The following KLF12 variants were observed in gnomAD, a reference collection of about 807,000 sequenced individuals.
KLF12 encodes Krueppel-like factor 12.
In KLF12, 9 loss-of-function variants were observed where a neutral mutation model predicts 37.8. That is an observed-to-expected ratio of 0.24 (90% CI 0.14 to 0.42). KLF12 has a LOEUF of 0.42. Ranked by LOEUF, KLF12 falls within the 10% of genes least tolerant of loss-of-function variation. KLF12 has a pLI of 1.00. For synonymous variants in KLF12, 208 were observed against 202.1 expected (o/e 1.03, Z -0.25); for missense variants, 411 against 516.0 (o/e 0.80, Z 1.97).
intron 3 of KLF12, among the ~76,000 whole-genome samples, chr13:73,876,120 A>G (rs1034646885): frequency 1.3e-5 from 2 of 151,652 alleles, no homozygotes; most frequent in African/African-American, 4.8e-5. Context: ...GGAATCCAGC[A>G]CATTTTAGCT....
At chr13:73,879,389 T>C (rs1293781600) in intron 3 of KLF12, among the ~76,000 whole-genome samples, 1 of 152,100 alleles carries the variant, frequency 6.6e-6, no homozygotes, top group Non-Finnish European at 1.5e-5. Flanking sequence ...CCCAACGTTA[T>C]GAATGTGACA....
At chr13:74,055,752 C>A (rs944015247) in intron 1 of KLF12, among the ~76,000 whole-genome samples, 3 of 152,138 alleles carry the variant, frequency 2.0e-5, no homozygotes, top group Non-Finnish European at 2.9e-5. Context: ...CAACCAACAA[C>A]AATTTACCCT....
chr13:73,821,211 C>T (rs1385249745), intron 4 of KLF12, among the ~76,000 whole-genome samples: 1 of 143,372 alleles, frequency 7.0e-6, no homozygotes, highest in African/African-American at 2.4e-5. Context: ...GCTACCTATT[C>T]TTTTCTGTCT....
At chr13:73,940,494 C>T (rs1455015037) in intron 3 of KLF12, among the ~76,000 whole-genome samples, 3 of 152,224 alleles carry the variant, frequency 2.0e-5, no homozygotes, top group Non-Finnish European at 2.9e-5. Flanking sequence ...CACATGGCTA[C>T]GAGATGAGGA....
chr13:74,121,053 C>A (rs928843574), intron 1 of KLF12, among the ~76,000 whole-genome samples: 2 of 151,920 alleles, frequency 1.3e-5, no homozygotes, highest in Non-Finnish European at 2.9e-5. Flanking sequence ...CAAAACACTC[C>A]AAATAAAAGT....
chr13:73,769,971 C>A (rs532913671), intron 5 of KLF12, among the ~76,000 whole-genome samples: 8 of 152,172 alleles, frequency 5.3e-5, no homozygotes, highest in Non-Finnish European at 1.0e-4. Context: ...TGTACAAATA[C>A]GTTCTTTTTC....
rs1016848776 is a variant in KLF12, at chr13:73,780,551, C to T, written c.807-15551G>A. ...CTGGAGTGCAATGGTGCGATCTTGG[C>T]TCACCGCAACCTCCGCCGCCCAAGT... On this transcript the variant is annotated intron_variant, in intron 5 of 7. Transcript: ENST00000377669. Among the ~76,000 whole-genome samples the T allele has an allele frequency of 6.6e-5, 10 of 151,730 alleles. No homozygotes were observed. The East Asian group carries it at 1.9e-3, about 29-fold the overall frequency.
the KLF12 span, among the ~76,000 whole-genome samples, chr13:74,215,978 A>G: frequency 1.3e-5 from 2 of 152,208 alleles, no homozygotes; most frequent in Non-Finnish European, 2.9e-5. Context: ...TCCAGAATGT[A>G]GAGAGAATAT....
At chr13:74,243,566 C>T in the KLF12 span, among the ~76,000 whole-genome samples, 1 of 152,150 alleles carries the variant, frequency 6.6e-6, no homozygotes, top group Non-Finnish European at 1.5e-5. Flanking sequence ...TTTACACTCT[C>T]CCCAACAGTG....
chr13:73,993,737 C>G (rs547202478), intron 2 of KLF12, among the ~76,000 whole-genome samples: 1 of 152,306 alleles, frequency 6.6e-6, no homozygotes, highest in Admixed American at 6.5e-5. Flanking sequence ...TCATCCCCTG[C>G]TCATGAGAGC....
chr13:74,074,658 G>A (rs1048467171), intron 1 of KLF12, among the ~76,000 whole-genome samples: 1 of 152,034 alleles, frequency 6.6e-6, no homozygotes, highest in Admixed American at 6.6e-5. Context: ...TAGGTTTGGG[G>A]GTACATGTGA....
the KLF12 span, among the ~76,000 whole-genome samples, chr13:74,268,973 G>A: frequency 6.6e-6 from 1 of 152,174 alleles, no homozygotes; most frequent in Non-Finnish European, 1.5e-5. Context: ...TCACAGTGGA[G>A]GCAGAAAGGA....
At chr13:73,991,243 C>T (rs1891963649) in intron 2 of KLF12, among the ~76,000 whole-genome samples, 2 of 152,040 alleles carry the variant, frequency 1.3e-5, no homozygotes, top group African/African-American at 2.4e-5. Context: ...ACTTTTAGTA[C>T]GATTATATAT....
chr13:74,157,970 G>A, the KLF12 span, among the ~76,000 whole-genome samples: 1 of 152,176 alleles, frequency 6.6e-6, no homozygotes, highest in African/African-American at 2.4e-5. Context: ...TGTGTGAGTT[G>A]TTGCTGCTTC....
chr13:73,851,299 T>C (rs145088458), intron 3 of KLF12, among the ~76,000 whole-genome samples: 159 of 152,336 alleles, frequency 1.0e-3, no homozygotes, highest in African/African-American at 3.8e-3. Flanking sequence ...AATACAGTCA[T>C]TGCGGAGGCA....
intron 1 of KLF12, among the ~76,000 whole-genome samples, chr13:74,002,091 T>C (rs1297376920): frequency 6.6e-6 from 1 of 152,232 alleles, no homozygotes. Flanking sequence ...TTAATGATTA[T>C]CTTACAGGTT....
At chr13:73,918,558 C>T in intron 3 of KLF12, among the ~76,000 whole-genome samples, 1 of 152,088 alleles carries the variant, frequency 6.6e-6, no homozygotes, top group East Asian at 1.9e-4. Context: ...AAATAAACTC[C>T]AAGAATTTCA....
chr13:74,260,015 A>G, the KLF12 span: 1 of 152,200 alleles, frequency 6.6e-6, no homozygotes, highest in African/African-American at 2.4e-5. Flanking sequence ...GCATTTTTCT[A>G]GTGAATTTAT....
the KLF12 span, among the ~76,000 whole-genome samples, chr13:74,184,952 G>T: frequency 6.6e-6 from 1 of 152,146 alleles, no homozygotes; most frequent in African/African-American, 2.4e-5. Context: ...TGAAGTACAA[G>T]GTTGGCACTG....
Sources: allele counts gnomAD v4.1 joint callset (sites outside exome capture counted in the v4.1 genomes callset), GRCh38; gene constraint gnomAD v4.1.1; transcripts MANE v1.5; gene names NCBI Gene and HGNC (gene_info 2026-07-23, HGNC 2026-07-21).